The following FAM83D variants were observed in gnomAD, a reference collection of about 807,000 sequenced individuals.
FAM83D encodes the protein protein FAM83D.
A neutral mutation model predicts 25.4 loss-of-function variants in FAM83D; 26 were observed. That is an observed-to-expected ratio of 1.02 (90% confidence interval 0.75 to 1.42). The LOEUF (loss-of-function observed/expected upper bound fraction) is 1.42, where lower values mean the gene tolerates loss of function less well. FAM83D is among the 40% of genes most tolerant of loss of function. FAM83D has a pLI of 0.00. For missense variants in FAM83D, 740 were observed against 758.1 expected, an observed-to-expected ratio of 0.98 and a Z score of 0.28; for synonymous variants, 310 against 318.5, an observed-to-expected ratio of 0.97 and a Z score of 0.28.
chr20:38,929,950 C>G (rs552223333), intron 1 of FAM83D, among the ~76,000 whole-genome samples: 2 of 152,272 alleles, frequency 1.3e-5, no homozygotes, highest in South Asian at 4.1e-4. Context: ...ATGAAGGAGC[C>G]TGTACTCAAA....
chr20:38,952,758 T>G lies in FAM83D; in HGVS notation c.*238T>G, dbSNP rs1018324657. 3.6e-6 allele frequency: 2 copies of G among 548,382 alleles called. No homozygotes were observed. The highest frequency in any genetic ancestry group is 6.3e-5 in the East Asian group (2 of 31,922). The allele number at this position is 548,382 out of a possible 1,614,324, so 34.0% of individuals were successfully genotyped here. A position where few individuals can be genotyped will look rare whatever the true frequency, so the allele number is the denominator to read the frequency against. On this transcript the variant is annotated 3_prime_UTR_variant, in exon 4 of 4. Coordinates refer to ENST00000619850, the MANE Select transcript of FAM83D (RefSeq NM_030919.3). ...GATACAGGGGTTTGTTTTGCACAAT[T>G]TTAATAGTCATGCACTACATAATGA...
rs2085761997 is a variant in FAM83D, at chr20:38,952,666, T to C, written c.*146T>C. 2.2e-6 allele frequency: 2 copies of C among 922,758 alleles called. No homozygotes were observed. Among genetic ancestry groups the C allele is most frequent in the Non-Finnish European group, 3.3e-6 (2 of 611,544 alleles). The allele number at this position is 922,758 out of a possible 1,614,324, so 57.2% of individuals were successfully genotyped here. A position where few individuals can be genotyped will look rare whatever the true frequency, so the allele number is the denominator to read the frequency against. On this transcript the variant is annotated 3_prime_UTR_variant, in exon 4 of 4. Coordinates refer to ENST00000619850, the MANE Select transcript of FAM83D (RefSeq NM_030919.3). ...TTGTCTTTGAATTCTTTAGGCTGCA[T>C]ATTATTTTACATGCTTTGTTTTGTC...
In FAM83D at chr20:38,951,935, TCAAA is replaced by T; in HGVS notation, c.1176_1179del (p.Thr393SerfsTer9). ...GCAGAAAGGCCATTGACGCTGCCAC[TCAAA>T]CAGAGCCAGGAGAGGAGATGCCAGG... On this transcript the variant is annotated frameshift_variant, in exon 4 of 4. Coordinates refer to ENST00000619850, the MANE Select transcript of FAM83D (RefSeq NM_030919.3). LOFTEE classifies it low-confidence loss of function (END_TRUNC). The T allele has an allele frequency of 6.2e-7, 1 of 1,614,070 alleles. No homozygotes were observed. The highest frequency in any genetic ancestry group is 8.5e-7 in the Non-Finnish European group (1 of 1,180,032).
At position 38,952,644 on chromosome 20, in the gene FAM83D, T is replaced by A; in HGVS notation, c.*124T>A. On this transcript the variant is annotated 3_prime_UTR_variant, in exon 4 of 4. Transcript: ENST00000619850. Reference sequence around the variant, plus strand: ...TTACCTGACTTTGTCACCTTTGTTGTCTTTGAATTCTTTAGGCTGCATATT... The same window carrying A: ...TTACCTGACTTTGTCACCTTTGTTGACTTTGAATTCTTTAGGCTGCATATT... 9.4e-7 allele frequency: 1 copy of A among 1,069,134 alleles called. No homozygotes were observed. Among genetic ancestry groups the A allele is most frequent in the East Asian group, 2.4e-5 (1 of 42,220 alleles). The allele number at this position is 1,069,134 out of a possible 1,614,324, so 66.2% of individuals were successfully genotyped here.
At chr20:38,931,029 C>G (rs1321112370) in intron 1 of FAM83D, among the ~76,000 whole-genome samples, 1 of 152,232 alleles carries the variant, frequency 6.6e-6, no homozygotes, top group Non-Finnish European at 1.5e-5. Flanking sequence ...CTTGGCCTCC[C>G]AAAGTGCTGG....
In FAM83D at chr20:38,926,758, T is replaced by A; in HGVS notation, c.316T>A (p.Ser106Thr). Reference sequence around the variant, plus strand: ...TTCGGGCACCTACTTCCCCGAGCAGTCGGACCTGGAGCCACCGCTGTTGGA... The same window carrying A: ...TTCGGGCACCTACTTCCCCGAGCAGACGGACCTGGAGCCACCGCTGTTGGA... ...CSSGTYFPEQ[S>T]DLEPPLLELG... The change falls in exon 1 of 4, where the codon TCG becomes ACG. Residue 106 changes from serine to threonine, a missense_variant. Ser to Thr is a moderately conservative substitution (Grantham distance 58). Coordinates refer to ENST00000619850, the MANE Select transcript of FAM83D (RefSeq NM_030919.3). The A allele has an allele frequency of 6.5e-7, 1 of 1,541,972 alleles. No homozygotes were observed. The highest frequency in any genetic ancestry group is 2.4e-5 in the East Asian group (1 of 40,974).
intron 2 of FAM83D, among the ~76,000 whole-genome samples, chr20:38,944,703 G>T (rs1568698865): frequency 1.3e-5 from 2 of 152,188 alleles, no homozygotes; most frequent in Non-Finnish European, 2.9e-5. Flanking sequence ...ACTTTGGGAG[G>T]CCGAGGCGGG....
chr20:38,938,977 C>T lies in FAM83D; in HGVS notation c.484-2982C>T, dbSNP rs116006522. On this transcript the variant is annotated intron_variant, in intron 1 of 3. Transcript: ENST00000619850. ...GATTCTTCACTTCGAACTCATTACTCTTATACAGGCAATGTGGGGAAGATT... is the reference window on the plus strand; with the variant it reads ...GATTCTTCACTTCGAACTCATTACTTTTATACAGGCAATGTGGGGAAGATT... 2.0e-3 allele frequency among the ~76,000 whole-genome samples: 306 copies of T among 152,348 alleles called. 3 individuals carry two copies. Among genetic ancestry groups the T allele is most frequent in the African/African-American group, 7.0e-3 (290 of 41,576 alleles).
At chr20:38,937,197 G>A (rs1460241946) in intron 1 of FAM83D, among the ~76,000 whole-genome samples, 1 of 152,154 alleles carries the variant, frequency 6.6e-6, no homozygotes, top group Non-Finnish European at 1.5e-5. Flanking sequence ...ACCCTGGAAG[G>A]GACTCTTGAA....
chr20:38,929,711 G>A (rs892533603), intron 1 of FAM83D, among the ~76,000 whole-genome samples: 1 of 151,304 alleles, frequency 6.6e-6, no homozygotes, highest in Non-Finnish European at 1.5e-5. Context: ...CCAGGAGTTT[G>A]AGGCTGTAGT....
intron 3 of FAM83D, among the ~76,000 whole-genome samples, chr20:38,949,247 T>C (rs1343078563): frequency 6.6e-6 from 1 of 151,912 alleles, no homozygotes; most frequent in African/African-American, 2.4e-5. Flanking sequence ...TTTCAACTTC[T>C]GCCTCTCAGA....
chr20:38,927,498 C>CT (rs1173092369), intron 1 of FAM83D, among the ~76,000 whole-genome samples: 6,381 of 101,336 alleles, frequency 0.063, 321 homozygotes, highest in African/African-American at 0.072. Context: ...TCTTTCTTGT[C>CT]TTTTTTTTTT....
chr20:38,948,276 C>T (rs1023263049), intron 3 of FAM83D, among the ~76,000 whole-genome samples: 1 of 152,152 alleles, frequency 6.6e-6, no homozygotes, highest in South Asian at 2.1e-4. Context: ...CAAGCCTTGG[C>T]CCAGGTCTGC....
At chr20:38,942,959 T>C (rs1286600372) in intron 2 of FAM83D, among the ~76,000 whole-genome samples, 2 of 151,926 alleles carry the variant, frequency 1.3e-5, no homozygotes, top group African/African-American at 2.4e-5. Context: ...TCCAGGAGGC[T>C]GCCCTTTTAA....
In FAM83D at chr20:38,926,602, G is replaced by A; in HGVS notation, c.160G>A (p.Glu54Lys). ...PEAFAAFLRR[E>K]RLARFLNPDE... ...AGCCTTCGCGGCCTTCCTGCGACGC[G>A]AGCGCCTGGCTCGTTTCCTGAACCC... The change falls in exon 1 of 4, where the codon GAG becomes AAG. Residue 54 changes from glutamate (E) to lysine (K), a missense_variant. Physicochemically the swap from Glu to Lys is moderately conservative, Grantham distance 56. This residue lies in a region of FAM83D where 333 missense variants were observed against 298.6 expected (regional missense o/e 1.12). Coordinates refer to ENST00000619850, the MANE Select transcript of FAM83D (RefSeq NM_030919.3). 6.5e-7 allele frequency: 1 copy of A among 1,544,534 alleles called. No individual in the cohort carries two copies. The highest frequency in any genetic ancestry group is 8.7e-7 in the Non-Finnish European group (1 of 1,151,258).
intron 1 of FAM83D, among the ~76,000 whole-genome samples, chr20:38,935,191 C>G (rs1161838302): frequency 6.6e-6 from 1 of 152,100 alleles, no homozygotes; most frequent in Non-Finnish European, 1.5e-5. Context: ...GATTTTGGAA[C>G]TAGGCAAATG....
At chr20:38,942,150 T>C (rs370162702) in intron 2 of FAM83D, 24 bp downstream of exon 2, 2,328 of 1,612,672 alleles carry the variant, frequency 1.4e-3, no homozygotes, top group Non-Finnish European at 1.8e-3. Flanking sequence ...TATATCCAGT[T>C]TCACCATAGT....
At chr20:38,940,192 A>G (rs1250588198) in intron 1 of FAM83D, among the ~76,000 whole-genome samples, 1 of 152,152 alleles carries the variant, frequency 6.6e-6, no homozygotes, top group Non-Finnish European at 1.5e-5. Context: ...TTTACCAAGA[A>G]TAGCCCACAG....
At chr20:38,938,446 C>T (rs759756669) in intron 1 of FAM83D, among the ~76,000 whole-genome samples, 13 of 152,234 alleles carry the variant, frequency 8.5e-5, no homozygotes, top group Non-Finnish European at 1.5e-4. Context: ...CAGTGCTCAA[C>T]ACCTGCCTGC....
Sources: gnomAD v4.1 joint callset for allele counts (sites outside exome capture counted in the v4.1 genomes callset) on GRCh38, gnomAD v4.1.1 for gene constraint, gnomAD v4.1.1 regional missense constraint, MANE v1.5 for transcripts, NCBI Gene and HGNC (gene_info 2026-07-23, HGNC 2026-07-21) for gene names.